DCLK2: variants seen among roughly 807,000 people sequenced by gnomAD.
DCLK2 encodes the protein doublecortin like kinase 2.
DCLK2 carries 31 observed loss-of-function variants against 78.4 expected under a neutral mutation model. The ratio of observed to expected loss-of-function variants is 0.40; its 90% CI spans 0.30 to 0.53. The LOEUF is 0.53. Among genes scored for constraint, DCLK2 ranks in the 20% least tolerant of loss-of-function variants. The pLI, the probability that DCLK2 is intolerant of heterozygous loss-of-function variation, is 0.61. For missense variants in DCLK2, 872 were observed against 973.7 expected (o/e 0.90, Z 1.39); for synonymous variants, 407 against 374.9 (o/e 1.09, Z -0.99).
At chr4:150,137,256 C>T (rs757996989) in intron 2 of DCLK2, among the ~76,000 whole-genome samples, 1 of 152,136 alleles carries the variant, frequency 6.6e-6, no homozygotes, top group Admixed American at 6.5e-5. Flanking sequence ...GGGGCAGCTT[C>T]CCTCCACATG....
chr4:150,118,222 G>A (rs762005343), intron 2 of DCLK2, among the ~76,000 whole-genome samples: 4 of 152,030 alleles, frequency 2.6e-5, no homozygotes, highest in African/African-American at 7.2e-5. Context: ...TGGTAATGAC[G>A]AGGGACAGGT....
chr4:150,149,037 C>CAAAAA (rs11407877), intron 2 of DCLK2, among the ~76,000 whole-genome samples: 12 of 104,672 alleles, frequency 1.1e-4, no homozygotes, highest in African/African-American at 3.8e-4. Flanking sequence ...CAGACTGTCT[C>CAAAAA]AAAAAAAAAA....
intron 4 of DCLK2, among the ~76,000 whole-genome samples, chr4:150,200,846 A>T (rs1739396146): frequency 6.6e-6 from 1 of 152,146 alleles, no homozygotes. Flanking sequence ...AAATGGGTAA[A>T]TGGTTACTCT....
intron 2 of DCLK2, among the ~76,000 whole-genome samples, chr4:150,192,883 A>G (rs998477394): frequency 6.6e-6 from 1 of 152,190 alleles, no homozygotes; most frequent in African/African-American, 2.4e-5. Context: ...ACCTTTTTGC[A>G]TGTACGTCCT....
intron 2 of DCLK2, among the ~76,000 whole-genome samples, chr4:150,140,423 A>T (rs71618340): frequency 5.9e-5 from 9 of 152,216 alleles, no homozygotes; most frequent in Non-Finnish European, 1.3e-4. Context: ...GGGAGCAGTG[A>T]CAATACCAGC....
intron 2 of DCLK2, among the ~76,000 whole-genome samples, chr4:150,164,477 GA>G (rs1357652621): frequency 6.6e-6 from 1 of 152,172 alleles, no homozygotes; most frequent in African/African-American, 2.4e-5. Flanking sequence ...GTAGATAAAT[GA>G]ATTAGCTAAG....
intron 10 of DCLK2, among the ~76,000 whole-genome samples, chr4:150,239,168 G>A (rs62344499): frequency 2.0e-5 from 3 of 152,156 alleles, no homozygotes; most frequent in Admixed American, 6.5e-5. Context: ...AAGCACGTGT[G>A]TTCATCGTAC....
intron 8 of DCLK2, among the ~76,000 whole-genome samples, chr4:150,229,801 A>G (rs1741902814): frequency 6.6e-6 from 1 of 152,190 alleles, no homozygotes; most frequent in Non-Finnish European, 1.5e-5. Flanking sequence ...ATCATGAATC[A>G]CTTAACATAT....
intron 7 of DCLK2, among the ~76,000 whole-genome samples, chr4:150,223,693 A>G (rs1741370556): frequency 6.6e-6 from 1 of 152,086 alleles, no homozygotes; most frequent in South Asian, 2.1e-4. Context: ...GCAGTGAGCC[A>G]AGATTGCGCC....
At chr4:150,218,150 G>C (rs1560879982) in intron 5 of DCLK2, among the ~76,000 whole-genome samples, 2 of 144,440 alleles carry the variant, frequency 1.4e-5, no homozygotes, top group Non-Finnish European at 3.0e-5. Flanking sequence ...CAGCCTAGGT[G>C]CCACTCTCTT....
At chr4:150,244,786 A>T (rs1224194015) in intron 12 of DCLK2, among the ~76,000 whole-genome samples, 2 of 152,218 alleles carry the variant, frequency 1.3e-5, no homozygotes, top group East Asian at 1.9e-4. Flanking sequence ...CTTACAGTGG[A>T]TACTTCAGGG....
intron 1 of DCLK2, among the ~76,000 whole-genome samples, chr4:150,096,254 A>C (rs1250431069): frequency 6.6e-6 from 1 of 152,212 alleles, no homozygotes; most frequent in Non-Finnish European, 1.5e-5. Flanking sequence ...AGATGACTGA[A>C]CAGTGGTTAT....
At chr4:150,134,460 G>A (rs1436127467) in intron 2 of DCLK2, among the ~76,000 whole-genome samples, 1 of 152,152 alleles carries the variant, frequency 6.6e-6, no homozygotes, top group Non-Finnish European at 1.5e-5. Flanking sequence ...TGCTTGATGT[G>A]TTGACAACTT....
At chr4:150,154,991 G>A (rs1735161071) in intron 2 of DCLK2, among the ~76,000 whole-genome samples, 1 of 152,092 alleles carries the variant, frequency 6.6e-6, no homozygotes, top group South Asian at 2.1e-4. Flanking sequence ...AGCACTTTGG[G>A]AGGCCTAGGC....
At chr4:150,190,755 A>G (rs537759140) in intron 2 of DCLK2, among the ~76,000 whole-genome samples, 1 of 152,174 alleles carries the variant, frequency 6.6e-6, no homozygotes, top group Non-Finnish European at 1.5e-5. Flanking sequence ...ACTAAAAAAA[A>G]CATTGAATTG....
rs559195947 is a variant in DCLK2, at chr4:150,253,373, T to C, written c.2074-2647T>C. ...ACCCTAGTGTTCTCATCCCCAGAGC[T>C]GGGGCCTGAGACTTCAGTGAGAAAA... On this transcript the variant is annotated intron_variant, in intron 15 of 15. Transcript: ENST00000296550. The C allele has an allele frequency of 4.1e-4, 501 of 1,211,856 alleles. 1 individual carries two copies. Among genetic ancestry groups the C allele is most frequent in the Admixed American group, 5.6e-4 (25 of 44,396 alleles). The allele number at this position is 1,211,856 out of a possible 1,614,324, so 75.1% of individuals were successfully genotyped here. A position where few individuals can be genotyped will look rare whatever the true frequency, so the allele number is the denominator to read the frequency against.
Position 150,202,071 on chromosome 4 carries a change from A to G in DCLK2, c.962-1724A>G, listed in dbSNP as rs1027592321. Among the ~76,000 whole-genome samples, 3 of 152,286 alleles carry G rather than the reference A, an allele frequency of 2.0e-5. No individual in the cohort carries two copies. In the South Asian group the frequency reaches 6.2e-4, roughly 32 times the overall value. On this transcript the variant is annotated intron_variant, in intron 4 of 15. Transcript: ENST00000296550. The stretch of plus-strand genomic sequence containing the variant: ...TACAATTAGCCTGCACCTAAGGTCC[A>G]TACTTTACATTGAGGTTCATTCTTG...
In DCLK2 at chr4:150,090,258, TAGCTG is replaced by T. The variant is rs1729956174; in HGVS notation, c.421+10814_421+10818del. Among the ~76,000 whole-genome samples the T allele has an allele frequency of 3.3e-5, 5 of 152,180 alleles. No homozygotes were observed. The South Asian group carries it at 1.0e-3, about 32-fold the overall frequency. On this transcript the variant is annotated intron_variant, in intron 1 of 15. Coordinates refer to ENST00000296550, the MANE Select transcript of DCLK2 (RefSeq NM_001040260.4). ...CCGTCTCTACTAAAAATACAAAAAT[TAGCTG>T]AGCGTGGTGGCGCACGACTGTAATC...
intron 5 of DCLK2, among the ~76,000 whole-genome samples, chr4:150,212,168 G>GA (rs1423764573): frequency 5.3e-5 from 8 of 152,114 alleles, no homozygotes; most frequent in Non-Finnish European, 7.4e-5. Context: ...AAAGAAGGAA[G>GA]AAAAAAGTAC....
Sources: allele counts gnomAD v4.1 joint callset (sites outside exome capture counted in the v4.1 genomes callset), GRCh38; gene constraint gnomAD v4.1.1; transcripts MANE v1.5; gene names NCBI Gene and HGNC (gene_info 2026-07-23, HGNC 2026-07-21).